Variants in SERPINE2 observed in about 807,000 individuals in gnomAD.
SERPINE2 encodes glia-derived nexin.
In SERPINE2, 14 loss-of-function variants were observed where a neutral mutation model predicts 36.3. That is an observed-to-expected ratio of 0.39 (90% CI 0.25 to 0.60). The LOEUF (loss-of-function observed/expected upper bound fraction) is 0.60. Ranked by LOEUF, SERPINE2 falls within the 20% of genes least tolerant of loss-of-function variation. SERPINE2 has a pLI of 0.57. For synonymous variants in SERPINE2, 192 were observed against 191.8 expected (o/e 1.00, Z -0.01); for missense variants, 418 against 499.6 (o/e 0.84, Z 1.56).
intron 1 of SERPINE2, among the ~76,000 whole-genome samples, chr2:224,037,173 T>C (rs1039391704): frequency 6.6e-6 from 1 of 152,184 alleles, no homozygotes; most frequent in Non-Finnish European, 1.5e-5. Context: ...CAGTAGATGC[T>C]TAAGAAGATT....
intron 6 of SERPINE2, chr2:223,980,925 G>A (rs559281981): frequency 2.6e-5 from 4 of 153,416 alleles, no homozygotes; most frequent in African/African-American, 9.6e-5. Context: ...AGTAAGAGAA[G>A]AGTGTCGAAC....
At chr2:223,996,974 G>C (rs779749225) in intron 3 of SERPINE2, among the ~76,000 whole-genome samples, 2 of 152,172 alleles carry the variant, frequency 1.3e-5, no homozygotes, top group Non-Finnish European at 2.9e-5. Context: ...CTACCGGAAA[G>C]GCTGAGGTGG....
Position 223,992,006 on chromosome 2 carries a change from A to G in SERPINE2, c.488-6T>C. ...CAGCAGATTGTCAATCATATCTGTG[A>G]AGCCAAAGAACAAACAAGGGAAAAA... On this transcript the variant is annotated splice_region_variant and splice_polypyrimidine_tract_variant and intron_variant, in intron 3 of 8. Coordinates refer to ENST00000409304, the MANE Select transcript of SERPINE2 (RefSeq NM_001136528.2). The G allele has an allele frequency of 1.9e-6, 3 of 1,613,466 alleles. No homozygotes were observed. The highest frequency in any genetic ancestry group is 2.2e-5 in the South Asian group (2 of 90,876).
intron 1 of SERPINE2, among the ~76,000 whole-genome samples, chr2:224,020,160 T>C (rs1203420289): frequency 6.6e-6 from 1 of 152,206 alleles, no homozygotes; most frequent in Non-Finnish European, 1.5e-5. Flanking sequence ...AGTGGGAACA[T>C]GCATTCCAAA....
At chr2:224,031,624 A>G in intron 1 of SERPINE2, 1 of 411,360 alleles carries the variant, frequency 2.4e-6, no homozygotes, top group Non-Finnish European at 3.3e-6. Context: ...TGGTATCGGG[A>G]CGAGCATGTG....
chr2:224,006,977 T>C (rs969496101), intron 1 of SERPINE2, among the ~76,000 whole-genome samples: 13 of 152,198 alleles, frequency 8.5e-5, no homozygotes, highest in Non-Finnish European at 2.9e-5. Flanking sequence ...CTCCAGGCTG[T>C]GTGAGCACCT....
chr2:224,032,938 T>G (rs571332967), intron 1 of SERPINE2, among the ~76,000 whole-genome samples: 1 of 152,142 alleles, frequency 6.6e-6, no homozygotes, highest in African/African-American at 2.4e-5. Flanking sequence ...AACAGCAGAA[T>G]AAAGGCAAGA....
intron 4 of SERPINE2, 102 bp downstream of exon 4, chr2:223,991,701 A>T: frequency 8.1e-7 from 1 of 1,229,108 alleles, no homozygotes; most frequent in Non-Finnish European, 1.2e-6. Context: ...CAGTTTTTTA[A>T]AAGATGAAAA....
chr2:223,985,567 A>G (rs1690394959), intron 4 of SERPINE2, among the ~76,000 whole-genome samples: 1 of 152,218 alleles, frequency 6.6e-6, no homozygotes, highest in African/African-American at 2.4e-5. Context: ...AGACAGGGAT[A>G]CAGAGCATCC....
At chr2:224,019,303 A>G (rs1691908244) in intron 1 of SERPINE2, among the ~76,000 whole-genome samples, 1 of 152,218 alleles carries the variant, frequency 6.6e-6, no homozygotes, top group Non-Finnish European at 1.5e-5. Flanking sequence ...TACTGTAATA[A>G]AAGTTATTGG....
intron 1 of SERPINE2, among the ~76,000 whole-genome samples, chr2:224,014,663 A>G (rs1471112135): frequency 6.6e-6 from 1 of 152,170 alleles, no homozygotes; most frequent in Non-Finnish European, 1.5e-5. Context: ...GGAAACCCAT[A>G]TCCACCTGAA....
At chr2:224,003,762 C>A (rs1040825025) in intron 1 of SERPINE2, among the ~76,000 whole-genome samples, 5 of 152,228 alleles carry the variant, frequency 3.3e-5, no homozygotes, top group Admixed American at 1.3e-4. Flanking sequence ...TAATTCAGTT[C>A]TTCCCCAAGA....
chr2:224,022,916 A>G (rs1403687602), intron 1 of SERPINE2, among the ~76,000 whole-genome samples: 2 of 152,204 alleles, frequency 1.3e-5, no homozygotes, highest in Admixed American at 6.5e-5. Context: ...TGATGGTTTT[A>G]TAAGTGTCTG....
intron 7 of SERPINE2, chr2:223,978,048 T>G (rs11689646): frequency 0.49 from 78,905 of 161,322 alleles, 21,948 homozygotes; most frequent in South Asian, 0.63. Flanking sequence ...TCCTTTTTTT[T>G]GGGGATGGAG....
chr2:224,008,972 C>T (rs6436458), intron 1 of SERPINE2, among the ~76,000 whole-genome samples: 103,308 of 151,824 alleles, frequency 0.68, 35,644 homozygotes, highest in Non-Finnish European at 0.74. Flanking sequence ...CCATCTAGAC[C>T]GAGGGAGGCT....
intron 1 of SERPINE2, among the ~76,000 whole-genome samples, chr2:224,037,000 T>A (rs2106208447): frequency 6.6e-6 from 1 of 152,348 alleles, no homozygotes; most frequent in Non-Finnish European, 1.5e-5. Flanking sequence ...GTTCTCAGTC[T>A]AACTTGATTT....
intron 1 of SERPINE2, among the ~76,000 whole-genome samples, chr2:224,002,452 G>A (rs891243574): frequency 1.3e-5 from 2 of 151,992 alleles, no homozygotes; most frequent in African/African-American, 2.4e-5. Flanking sequence ...CAATGTGCCA[G>A]GTCCTATACT....
chr2:224,005,082 TATATATATATATATAA>T (rs1691366551), intron 1 of SERPINE2, among the ~76,000 whole-genome samples: 3 of 46,002 alleles, frequency 6.5e-5, no homozygotes, highest in Admixed American at 3.1e-4. Context: ...TATATATATA[TATATATATATATATAA>T]AACATTGTAA....
intron 4 of SERPINE2, among the ~76,000 whole-genome samples, chr2:223,989,766 A>C (rs969190436): frequency 2.0e-5 from 3 of 152,194 alleles, no homozygotes; most frequent in Non-Finnish European, 4.4e-5. Context: ...TTGTGAGGGA[A>C]TGAGAACAGG....
Sources: allele counts gnomAD v4.1 joint callset (sites outside exome capture counted in the v4.1 genomes callset), GRCh38; gene constraint gnomAD v4.1.1; transcripts MANE v1.5; gene names NCBI Gene and HGNC (gene_info 2026-07-23, HGNC 2026-07-21).